Variants in SPIRE1 observed in about 807,000 individuals in gnomAD.
SPIRE1 encodes the protein protein spire homolog 1.
Under a neutral mutation model 94.1 loss-of-function variants are expected in SPIRE1, and 40 were observed. That is an observed-to-expected ratio of 0.43 (90% confidence interval 0.33 to 0.55). SPIRE1 has a LOEUF of 0.55. Ranked by LOEUF, SPIRE1 falls within the 20% of genes least tolerant of loss-of-function variation. The pLI is 0.06. For synonymous variants in SPIRE1, 376 were observed against 371.7 expected (o/e 1.01, Z -0.13); for missense variants, 838 against 975.2 (o/e 0.86, Z 1.87).
chr18:12,579,716 C>T (rs2036206705), intron 2 of SPIRE1, among the ~76,000 whole-genome samples: 1 of 152,172 alleles, frequency 6.6e-6, no homozygotes, highest in South Asian at 2.1e-4. Context: ...GTATGATTCC[C>T]CTTACTTGCC....
intron 2 of SPIRE1, among the ~76,000 whole-genome samples, chr18:12,586,591 T>A (rs917911921): frequency 3.9e-5 from 6 of 152,328 alleles, no homozygotes; most frequent in Non-Finnish European, 7.4e-5. Flanking sequence ...AAACTAACAG[T>A]ATGCAAATTA....
rs199962276 is a variant in SPIRE1 at position 12,578,967 on chromosome 18, TG to T, written c.373-32064del. On this transcript the variant is annotated intron_variant, in intron 2 of 16. Coordinates refer to ENST00000409402, the MANE Select transcript of SPIRE1 (RefSeq NM_001128626.2). ...AATTTGCAGCAATAATCAGCTACCT[TG>T]GAAAAACCTCAAAAATCATCATAGG... 8.1e-4 allele frequency among the ~76,000 whole-genome samples: 124 copies of T among 152,238 alleles called. 2 individuals are homozygous for T. The East Asian group carries it at 0.02, about 25-fold the overall frequency.
At chr18:12,504,929 A>C (rs2033779826) in intron 6 of SPIRE1, among the ~76,000 whole-genome samples, 1 of 152,184 alleles carries the variant, frequency 6.6e-6, no homozygotes, top group Non-Finnish European at 1.5e-5. Flanking sequence ...CACACTAGGC[A>C]CTGCTGAGAC....
At chr18:12,573,896 C>G (rs1045539149) in intron 2 of SPIRE1, among the ~76,000 whole-genome samples, 1 of 152,044 alleles carries the variant, frequency 6.6e-6, no homozygotes, top group Admixed American at 6.6e-5. Context: ...CCTGCCACCA[C>G]GCCCGGCTAA....
rs1420818065 is a variant in SPIRE1, at chr18:12,559,174, G to A, written c.373-12270C>T. On this transcript the variant is annotated intron_variant, in intron 2 of 16. Transcript: ENST00000409402. The surrounding 1 kb of genome is among the most constrained non-coding windows in gnomAD (Gnocchi z 4.7). The stretch of plus-strand genomic sequence containing the variant: ...AGGCTCCATCTGCTTAGGAGCCCAC[G>A]GGGTGGGGTGGGGTGGGGGGGCGCC... Among the ~76,000 whole-genome samples, 3 of 39,922 alleles carry A rather than the reference G, an allele frequency of 7.5e-5. No individual in the cohort carries two copies. The highest frequency in any genetic ancestry group is 1.1e-4 in the African/African-American group (2 of 18,868). 26.2% of individuals were successfully genotyped at this position (39,922 alleles called of 152,430 possible). A position where few individuals can be genotyped will look rare whatever the true frequency, so the allele number is the denominator to read the frequency against.
At chr18:12,551,184 C>T (rs12709540) in intron 2 of SPIRE1, among the ~76,000 whole-genome samples, 81,470 of 151,852 alleles carry the variant, frequency 0.54, 23,079 homozygotes, top group Middle Eastern at 0.74. Flanking sequence ...AAATGTAAGG[C>T]CCATAATGCT....
intron 1 of SPIRE1, among the ~76,000 whole-genome samples, chr18:12,655,147 G>A (rs911602855): frequency 1.3e-5 from 2 of 151,638 alleles, no homozygotes; most frequent in Non-Finnish European, 2.9e-5. Context: ...AAGCCCAGGA[G>A]TTCCAGGCTG....
chr18:12,615,583 A>C (rs1456232731), intron 2 of SPIRE1, among the ~76,000 whole-genome samples: 1 of 140,458 alleles, frequency 7.1e-6, no homozygotes, highest in Non-Finnish European at 1.6e-5. Context: ...AACATTTTTC[A>C]AAGACAAGAA....
At chr18:12,505,664 C>T (rs56723469) in intron 6 of SPIRE1, among the ~76,000 whole-genome samples, 8,519 of 152,018 alleles carry the variant, frequency 0.056, 281 homozygotes, top group South Asian at 0.093. Flanking sequence ...CTAGATGTTC[C>T]GCATCTAGGA....
intron 2 of SPIRE1, among the ~76,000 whole-genome samples, chr18:12,551,937 C>A (rs978604941): frequency 2.0e-5 from 3 of 152,264 alleles, no homozygotes; most frequent in Admixed American, 1.3e-4. Flanking sequence ...CACCTCCTGG[C>A]AGTGGCCATG....
intron 2 of SPIRE1, among the ~76,000 whole-genome samples, chr18:12,567,795 T>C (rs1322771216): frequency 2.6e-5 from 4 of 152,236 alleles, no homozygotes; most frequent in Admixed American, 2.6e-4. Flanking sequence ...CATGACTCTC[T>C]GTTTTTATTA....
chr18:12,642,818 G>A (rs1160966398), intron 1 of SPIRE1, among the ~76,000 whole-genome samples: 2 of 152,118 alleles, frequency 1.3e-5, no homozygotes, highest in African/African-American at 2.4e-5. Context: ...TAATGCCTGT[G>A]GGGCTTAAAA....
At chr18:12,561,240 A>G (rs2035674099) in intron 2 of SPIRE1, among the ~76,000 whole-genome samples, 1 of 152,062 alleles carries the variant, frequency 6.6e-6, no homozygotes, top group Non-Finnish European at 1.5e-5. Flanking sequence ...TCTTCTTTTT[A>G]AAATATAAAA....
At chr18:12,653,870 C>G (rs191870340) in intron 1 of SPIRE1, among the ~76,000 whole-genome samples, 4 of 151,344 alleles carry the variant, frequency 2.6e-5, no homozygotes, top group African/African-American at 9.7e-5. Context: ...CTCTTGAACC[C>G]GGGAGGCGGA....
intron 2 of SPIRE1, among the ~76,000 whole-genome samples, chr18:12,580,737 C>T (rs1260105189): frequency 6.6e-6 from 1 of 152,174 alleles, no homozygotes; most frequent in Non-Finnish European, 1.5e-5. Flanking sequence ...CCTCATAACT[C>T]TCAGTCACAT....
intron 4 of SPIRE1, among the ~76,000 whole-genome samples, chr18:12,527,321 G>GA (rs763327639): frequency 5.9e-5 from 9 of 151,978 alleles, no homozygotes; most frequent in Admixed American, 1.3e-4. Context: ...AAGGTTTGTT[G>GA]AACCGTGCTT....
intron 2 of SPIRE1, among the ~76,000 whole-genome samples, chr18:12,615,345 A>AAAAAAT: frequency 2.3e-4 from 4 of 17,238 alleles, no homozygotes; most frequent in African/African-American, 4.7e-4. Flanking sequence ...AAAAAAAAAA[A>AAAAAAT]ATATATATAT....
intron 1 of SPIRE1, among the ~76,000 whole-genome samples, chr18:12,639,455 C>G (rs948601076): frequency 6.6e-6 from 1 of 152,046 alleles, no homozygotes; most frequent in Non-Finnish European, 1.5e-5. Context: ...GGAATGCGGC[C>G]AGGCGCAGTG....
intron 4 of SPIRE1, among the ~76,000 whole-genome samples, chr18:12,526,142 CA>C (rs1053516611): frequency 1.6e-4 from 24 of 148,382 alleles, no homozygotes; most frequent in African/African-American, 5.7e-4. Flanking sequence ...TGGGTAGTCA[CA>C]AAACTATAGA....
Sources: allele counts gnomAD v4.1 joint callset (sites outside exome capture counted in the v4.1 genomes callset), GRCh38; gene constraint gnomAD v4.1.1; non-coding constraint Gnocchi (gnomAD v3.1); transcripts MANE v1.5; gene names NCBI Gene and HGNC (gene_info 2026-07-23, HGNC 2026-07-21).